SOX5: variants seen among roughly 807,000 people sequenced by gnomAD.
SOX5 encodes the protein transcription factor SOX-5.
Under a neutral mutation model 92.0 loss-of-function variants are expected in SOX5, and 9 were observed. The ratio of observed to expected loss-of-function variants is 0.10; its 90% confidence interval spans 0.06 to 0.17. The LOEUF is 0.17. Ranked by LOEUF, SOX5 falls within the 10% of genes least tolerant of loss-of-function variation. The pLI, the probability that SOX5 is intolerant of heterozygous loss-of-function variation, is 1.00. For synonymous variants in SOX5, 344 were observed against 336.3 expected, an observed-to-expected ratio of 1.02 and a Z score of -0.25; for missense variants, 642 against 944.5, an observed-to-expected ratio of 0.68 and a Z score of 4.20.
chr12:24,316,130 C>A (rs1262252902), intron 2 of SOX5, among the ~76,000 whole-genome samples: 1 of 152,166 alleles, frequency 6.6e-6, no homozygotes, highest in South Asian at 2.1e-4. Flanking sequence ...ATAAAAATCA[C>A]TGGAGTCTTA....
chr12:23,900,434 G>A (rs1273966703), intron 1 of SOX5, among the ~76,000 whole-genome samples: 2 of 152,146 alleles, frequency 1.3e-5, no homozygotes, highest in Non-Finnish European at 2.9e-5. Context: ...TTCAGACATG[G>A]ATGGCAAACT....
At chr12:24,295,886 A>G (rs1001294785) in intron 2 of SOX5, among the ~76,000 whole-genome samples, 1 of 151,932 alleles carries the variant, frequency 6.6e-6, no homozygotes, top group Non-Finnish European at 1.5e-5. Context: ...TTCACAGGGT[A>G]CCTCTTATTT....
intron 1 of SOX5, among the ~76,000 whole-genome samples, chr12:24,400,288 C>G (rs926261250): frequency 6.6e-6 from 1 of 152,212 alleles, no homozygotes; most frequent in East Asian, 1.9e-4. Flanking sequence ...TCATAACCTT[C>G]CATTTTGTTT....
chr12:24,389,843 G>A lies in SOX5; in HGVS notation c.-250-21204C>T, dbSNP rs1269313955. ...TGCCCATTTTACATTCTCAATGGTGGTGTATGCAGGTTCTAATTTCTCCAT... is the reference window on the plus strand; with the variant it reads ...TGCCCATTTTACATTCTCAATGGTGATGTATGCAGGTTCTAATTTCTCCAT... On this transcript the variant is annotated intron_variant, in intron 1 of 4. Transcript: ENST00000446891. Among the ~76,000 whole-genome samples the A allele has an allele frequency of 2.6e-5, 4 of 152,290 alleles. No homozygotes were observed. In the East Asian group the frequency reaches 7.7e-4, roughly 29 times the overall value.
At chr12:23,598,439 C>T (rs1162885981) in intron 9 of SOX5, among the ~76,000 whole-genome samples, 5 of 132,818 alleles carry the variant, frequency 3.8e-5, no homozygotes, top group Admixed American at 9.1e-5. Context: ...CCCTCTGTTG[C>T]CCAGGCTGGA....
At chr12:23,585,306 G>C (rs1485213750) in intron 9 of SOX5, among the ~76,000 whole-genome samples, 1 of 152,106 alleles carries the variant, frequency 6.6e-6, no homozygotes, top group African/African-American at 2.4e-5. Context: ...CTTAAGAGTT[G>C]AAAGTTTGAT....
chr12:23,779,814 T>TATATATATATATATATATACACAC (rs777013504), intron 3 of SOX5, among the ~76,000 whole-genome samples: 1 of 110,812 alleles, frequency 9.0e-6, no homozygotes, highest in African/African-American at 3.7e-5. Context: ...TATATATATA[T>TATATATATATATATATATACACAC]ACACACACAC....
At chr12:24,398,991 C>T (rs187529724) in intron 1 of SOX5, among the ~76,000 whole-genome samples, 59 of 152,256 alleles carry the variant, frequency 3.9e-4, no homozygotes, top group Non-Finnish European at 4.7e-4. Flanking sequence ...TGTTTACAAA[C>T]AACCAAAATA....
At chr12:23,612,651 A>G (rs2076104485) in intron 8 of SOX5, among the ~76,000 whole-genome samples, 1 of 152,202 alleles carries the variant, frequency 6.6e-6, no homozygotes, top group South Asian at 2.1e-4. Context: ...TAGAGATTTT[A>G]AAATATATGT....
At chr12:24,112,040 C>T (rs1947411234) in intron 4 of SOX5, among the ~76,000 whole-genome samples, 1 of 152,034 alleles carries the variant, frequency 6.6e-6, no homozygotes, top group African/African-American at 2.4e-5. Context: ...GACAAACAGC[C>T]AAATAAAGAA....
At chr12:24,161,007 A>T (rs1952698764) in intron 4 of SOX5, among the ~76,000 whole-genome samples, 1 of 152,046 alleles carries the variant, frequency 6.6e-6, no homozygotes. Context: ...CATTATCCTC[A>T]CTTTGCAGCT....
At chr12:24,050,656 C>A (rs772810899) in intron 4 of SOX5, among the ~76,000 whole-genome samples, 1 of 152,054 alleles carries the variant, frequency 6.6e-6, no homozygotes, top group South Asian at 2.1e-4. Flanking sequence ...CAGAGAGGTA[C>A]AGTTCTTTAA....
chr12:24,054,292 G>A (rs959732629), intron 4 of SOX5, among the ~76,000 whole-genome samples: 1 of 152,128 alleles, frequency 6.6e-6, no homozygotes, highest in Admixed American at 6.6e-5. Context: ...CAGGGTTACT[G>A]CCAAAGAACC....
At chr12:23,984,728 C>T (rs992111762) in intron 4 of SOX5, among the ~76,000 whole-genome samples, 4 of 152,074 alleles carry the variant, frequency 2.6e-5, no homozygotes, top group Admixed American at 2.0e-4. Context: ...CCTTTTCAGT[C>T]GGTAAAGCTC....
At chr12:24,167,793 A>G (rs1953595005) in intron 4 of SOX5, among the ~76,000 whole-genome samples, 1 of 152,124 alleles carries the variant, frequency 6.6e-6, no homozygotes, top group Admixed American at 6.5e-5. Flanking sequence ...GTCAATCACT[A>G]TTTTCTTTAC....
At chr12:23,644,328 A>G (rs2080538914) in intron 7 of SOX5, among the ~76,000 whole-genome samples, 1 of 152,204 alleles carries the variant, frequency 6.6e-6, no homozygotes. Flanking sequence ...ATCCAGGCCA[A>G]TACCTGGACT....
rs201147291 is a variant in SOX5, at chr12:24,406,736, T to TA, written c.-250-38098dup. Among the ~76,000 whole-genome samples, 120 of 152,224 alleles carry TA rather than the reference T, an allele frequency of 7.9e-4. 3 individuals carry two copies. In the East Asian group the frequency reaches 0.022, roughly 28 times the overall value. Reference sequence around the variant, plus strand: ...TTAAAATGTCCAGAGGACTTTTTTTTAAAATCTAAGAATGAACTTGTGAAG... The same window carrying TA: ...TTAAAATGTCCAGAGGACTTTTTTTTAAAAATCTAAGAATGAACTTGTGAAG... On this transcript the variant is annotated intron_variant, in intron 1 of 4. Transcript: ENST00000446891.
At chr12:23,880,337 T>C (rs75247954) in intron 2 of SOX5, among the ~76,000 whole-genome samples, 2,487 of 152,274 alleles carry the variant, frequency 0.016, 68 homozygotes, top group African/African-American at 0.057. Context: ...ACACCCATAT[T>C]ATGGTATTAT....
intron 8 of SOX5, among the ~76,000 whole-genome samples, chr12:23,630,280 A>C (rs1434628711): frequency 6.6e-6 from 1 of 151,980 alleles, no homozygotes; most frequent in Non-Finnish European, 1.5e-5. Flanking sequence ...ACAGATATAA[A>C]TATTGTAACA....
Sources: gnomAD v4.1 joint callset for allele counts (sites outside exome capture counted in the v4.1 genomes callset) on GRCh38, gnomAD v4.1.1 for gene constraint, MANE v1.5 for transcripts, NCBI Gene and HGNC (gene_info 2026-07-23, HGNC 2026-07-21) for gene names.